The following PRKG1 variants were observed in gnomAD, a reference collection of about 807,000 sequenced individuals.
PRKG1 encodes cGMP-dependent protein kinase 1.
Under a neutral mutation model 88.1 loss-of-function variants are expected in PRKG1, and 35 were observed. The observed-to-expected ratio is 0.40, with a 90% CI of 0.30 to 0.53. PRKG1 has a LOEUF of 0.53. Among genes scored for constraint, PRKG1 ranks in the 20% least tolerant of loss-of-function variants. The probability of loss-of-function intolerance (pLI) is 0.59; values close to 1 mark genes in which losing one functional copy is unlikely to be tolerated. For synonymous variants in PRKG1, 303 were observed against 292.5 expected, an observed-to-expected ratio of 1.04 and a Z score of -0.37; for missense variants, 540 against 839.8, an observed-to-expected ratio of 0.64 and a Z score of 4.41.
intron 7 of PRKG1, among the ~76,000 whole-genome samples, chr10:52,111,347 T>A (rs1236559108): frequency 6.6e-6 from 1 of 152,220 alleles, no homozygotes; most frequent in Non-Finnish European, 1.5e-5. Context: ...TACTAACACT[T>A]CGTTTTAACA....
At chr10:51,183,979 C>T (rs909450854) in intron 2 of PRKG1, among the ~76,000 whole-genome samples, 1 of 152,162 alleles carries the variant, frequency 6.6e-6, no homozygotes, top group African/African-American at 2.4e-5. Context: ...CTTTTCCACC[C>T]ATCACTCTAG....
intron 3 of PRKG1, among the ~76,000 whole-genome samples, chr10:51,477,812 C>G (rs181090899): frequency 6.6e-6 from 1 of 151,960 alleles, no homozygotes; most frequent in South Asian, 2.1e-4. Context: ...AAAAGGGCCA[C>G]GATCCAGAGA....
intron 2 of PRKG1, among the ~76,000 whole-genome samples, chr10:51,456,449 A>G (rs768387879): frequency 2.0e-5 from 3 of 152,166 alleles, no homozygotes; most frequent in African/African-American, 7.2e-5. Context: ...CTCAAAATAT[A>G]TCAAAGACTT....
chr10:51,821,981 T>G (rs534494086), intron 4 of PRKG1, among the ~76,000 whole-genome samples: 5 of 152,216 alleles, frequency 3.3e-5, no homozygotes, highest in African/African-American at 1.2e-4. Context: ...CAAATCAGTA[T>G]GGTGAAGAGA....
chr10:51,235,540 T>A (rs1044747568), intron 2 of PRKG1, among the ~76,000 whole-genome samples: 1 of 152,188 alleles, frequency 6.6e-6, no homozygotes, highest in Non-Finnish European at 1.5e-5. Flanking sequence ...GGGAGATGGA[T>A]TTTATAAAGA....
chr10:51,974,747 A>G (rs1843788347), intron 5 of PRKG1, among the ~76,000 whole-genome samples: 1 of 152,118 alleles, frequency 6.6e-6, no homozygotes, highest in African/African-American at 2.4e-5. Context: ...TCATTTTCTG[A>G]ACCCCAAAGG....
At chr10:51,132,764 G>C (rs186954676) in intron 1 of PRKG1, among the ~76,000 whole-genome samples, 1 of 148,786 alleles carries the variant, frequency 6.7e-6, no homozygotes, top group Non-Finnish European at 1.5e-5. Context: ...TAAGGTTCTT[G>C]TTAAAAAGGC....
intron 5 of PRKG1, among the ~76,000 whole-genome samples, chr10:51,969,825 A>T (rs1263338299): frequency 6.6e-6 from 1 of 152,010 alleles, no homozygotes; most frequent in Non-Finnish European, 1.5e-5. Flanking sequence ...TAGGATACAA[A>T]TTAGCACCAT....
intron 3 of PRKG1, among the ~76,000 whole-genome samples, chr10:51,735,457 G>C (rs571996437): frequency 3.3e-5 from 5 of 152,272 alleles, no homozygotes; most frequent in African/African-American, 1.2e-4. Flanking sequence ...AAACTCTACA[G>C]TATCCTGTTT....
intron 9 of PRKG1, among the ~76,000 whole-genome samples, chr10:52,223,090 C>G (rs939416550): frequency 2.0e-5 from 3 of 152,100 alleles, no homozygotes; most frequent in Non-Finnish European, 4.4e-5. Flanking sequence ...TTTCCTCGCT[C>G]CAATCTTTAA....
At chr10:51,719,713 G>T (rs887658545) in intron 3 of PRKG1, among the ~76,000 whole-genome samples, 1 of 152,188 alleles carries the variant, frequency 6.6e-6, no homozygotes, top group Non-Finnish European at 1.5e-5. Context: ...TACCTGGGTT[G>T]TGTATGATGG....
At chr10:51,838,971 T>A (rs1457149110) in intron 4 of PRKG1, among the ~76,000 whole-genome samples, 2 of 152,080 alleles carry the variant, frequency 1.3e-5, no homozygotes, top group African/African-American at 4.8e-5. Flanking sequence ...ACATTTTAAG[T>A]TTAATATTTT....
At chr10:52,085,902 A>G (rs1170508787) in intron 7 of PRKG1, among the ~76,000 whole-genome samples, 2 of 152,124 alleles carry the variant, frequency 1.3e-5, no homozygotes, top group Non-Finnish European at 2.9e-5. Flanking sequence ...TGTGACATGC[A>G]TAGCAGCCCA....
At chr10:52,108,517 G>A (rs1297145752) in intron 7 of PRKG1, among the ~76,000 whole-genome samples, 1 of 152,090 alleles carries the variant, frequency 6.6e-6, no homozygotes, top group East Asian at 1.9e-4. Flanking sequence ...CACTGCCCAA[G>A]TGAATCGCAT....
At chr10:51,534,376 AGGCGGCTCTG>A (rs1201391422) in intron 3 of PRKG1, among the ~76,000 whole-genome samples, 3 of 152,116 alleles carry the variant, frequency 2.0e-5, no homozygotes, top group African/African-American at 7.2e-5. Context: ...TGAAAATGAA[AGGCGGCTCTG>A]GGCTGGGCGC....
intron 2 of PRKG1, among the ~76,000 whole-genome samples, chr10:51,351,019 G>A (rs988327917): frequency 1.3e-5 from 2 of 152,012 alleles, no homozygotes; most frequent in African/African-American, 4.8e-5. Flanking sequence ...TGTGGTGTTC[G>A]GTTTTCTGTT....
intron 3 of PRKG1, among the ~76,000 whole-genome samples, chr10:51,541,511 A>T (rs574017053): frequency 6.6e-6 from 1 of 152,348 alleles, no homozygotes; most frequent in South Asian, 2.1e-4. Context: ...TACCAAATAA[A>T]GCTGTGATTA....
chr10:51,138,288 G>T (rs1845734431), intron 1 of PRKG1, among the ~76,000 whole-genome samples: 1 of 152,168 alleles, frequency 6.6e-6, no homozygotes, highest in African/African-American at 2.4e-5. Flanking sequence ...AAACCTTAAT[G>T]ATCCTCATGG....
chr10:52,153,115 A>G (rs1837984290), intron 8 of PRKG1, among the ~76,000 whole-genome samples: 1 of 152,204 alleles, frequency 6.6e-6, no homozygotes, highest in Non-Finnish European at 1.5e-5. Flanking sequence ...TGCTTTTCCA[A>G]GGATCTGTGC....
Sources: allele counts gnomAD v4.1 joint callset (sites outside exome capture counted in the v4.1 genomes callset), GRCh38; gene constraint gnomAD v4.1.1; transcripts MANE v1.5; gene names NCBI Gene and HGNC (gene_info 2026-07-23, HGNC 2026-07-21).